Variants in DYNC1I1 observed in about 807,000 individuals in gnomAD.
The protein encoded by DYNC1I1 is dynein cytoplasmic 1 intermediate chain 1.
In DYNC1I1, 43 loss-of-function variants were observed where a neutral mutation model predicts 86.6. The observed-to-expected ratio is 0.50, with a 90% CI of 0.39 to 0.64. DYNC1I1 has a LOEUF of 0.64. Ranked by LOEUF, DYNC1I1 falls within the 30% of genes least tolerant of loss-of-function variation. The pLI, the probability that DYNC1I1 is intolerant of heterozygous loss-of-function variation, is 0.00. For synonymous variants in DYNC1I1, 262 were observed against 283.7 expected (o/e 0.92, Z 0.77); for missense variants, 604 against 788.8 (o/e 0.77, Z 2.81).
chr7:95,887,722 G>T (rs1259953762), intron 6 of DYNC1I1, among the ~76,000 whole-genome samples: 1 of 152,146 alleles, frequency 6.6e-6, no homozygotes, highest in African/African-American at 2.4e-5. Context: ...CTCCATTTCT[G>T]ATGATGCTTG....
chr7:95,928,868 G>C (rs568268089), intron 6 of DYNC1I1, among the ~76,000 whole-genome samples: 88 of 152,228 alleles, frequency 5.8e-4, no homozygotes, highest in African/African-American at 2.0e-3. Flanking sequence ...AAATTATGAA[G>C]CATAAGTGGT....
At position 96,098,008 on chromosome 7, in the gene DYNC1I1, G is replaced by T. The variant is rs565418249; in HGVS notation, c.*415G>T. ...CCTCATATTATGGTACAGGGCCAAA[G>T]ACTTGAGACGTGGTGTTTTACATGG... On this transcript the variant is annotated 3_prime_UTR_variant, in exon 17 of 17. Coordinates refer to ENST00000447467, the MANE Select transcript of DYNC1I1 (RefSeq NM_001135556.2). 1.4e-5 allele frequency: 14 copies of T among 991,836 alleles called. No individual in the cohort carries two copies. Among genetic ancestry groups the T allele is most frequent in the Non-Finnish European group, 1.7e-5 (14 of 833,588 alleles). The allele number at this position is 991,836 out of a possible 1,614,324, so 61.4% of individuals were successfully genotyped here.
At chr7:96,106,341 C>A (rs1428533091) in intron 16 of DYNC1I1, among the ~76,000 whole-genome samples, 1 of 152,064 alleles carries the variant, frequency 6.6e-6, no homozygotes, top group African/African-American at 2.4e-5. Flanking sequence ...TGAGAGCAAC[C>A]TGACCAACAT....
Position 95,996,061 on chromosome 7 carries a change from C to G in DYNC1I1, c.957C>G (p.Val319=). The G allele has an allele frequency of 6.2e-7, 1 of 1,614,078 alleles. No homozygotes were observed. Among genetic ancestry groups the G allele is most frequent in the Non-Finnish European group, 8.5e-7 (1 of 1,179,960 alleles). Residue 319 remains valine, a synonymous_variant, in exon 10 of 17, where the codon GTC becomes GTG. Coordinates refer to ENST00000447467, the MANE Select transcript of DYNC1I1 (RefSeq NM_001135556.2). ...TTAAGAAAACCACACCAGAATACGT[C>G]TTCCACTGTCAGGTAGGAGTCAGCG... ...MKFKKTTPEY[V]FHCQSSVMSV...
intron 6 of DYNC1I1, among the ~76,000 whole-genome samples, chr7:95,913,255 A>C (rs183907335): frequency 6.6e-6 from 1 of 152,248 alleles, no homozygotes; most frequent in African/African-American, 2.4e-5. Context: ...TCATAAACTG[A>C]TCCTTGCTAA....
chr7:96,044,154 A>T (rs1007455363), intron 14 of DYNC1I1, among the ~76,000 whole-genome samples: 2 of 152,230 alleles, frequency 1.3e-5, no homozygotes, highest in Non-Finnish European at 2.9e-5. Context: ...AACATTGGTC[A>T]TGATTGCTAA....
At chr7:96,087,826 A>G (rs953125774) in intron 16 of DYNC1I1, among the ~76,000 whole-genome samples, 3 of 152,206 alleles carry the variant, frequency 2.0e-5, no homozygotes, top group African/African-American at 7.2e-5. Flanking sequence ...ATATATTTGC[A>G]TGGGCAGATT....
intron 6 of DYNC1I1, among the ~76,000 whole-genome samples, chr7:95,922,060 A>G (rs1791623791): frequency 1.3e-5 from 2 of 152,228 alleles, no homozygotes; most frequent in Non-Finnish European, 2.9e-5. Context: ...GTGCAATCAA[A>G]GAATTTTTCA....
At chr7:96,012,634 G>A (rs1584250023) in intron 10 of DYNC1I1, among the ~76,000 whole-genome samples, 1 of 152,320 alleles carries the variant, frequency 6.6e-6, no homozygotes, top group East Asian at 1.9e-4. Context: ...TTGTCTGGGA[G>A]TGTACAATAT....
chr7:95,862,601 G>A (rs1345833691), intron 5 of DYNC1I1, among the ~76,000 whole-genome samples: 1 of 152,182 alleles, frequency 6.6e-6, no homozygotes, highest in African/African-American at 2.4e-5. Context: ...CACTGCTAGT[G>A]GGAATGTAAA....
chr7:95,901,375 AAT>A (rs1483209791), intron 6 of DYNC1I1, among the ~76,000 whole-genome samples: 2 of 152,198 alleles, frequency 1.3e-5, no homozygotes, highest in Admixed American at 6.5e-5. Flanking sequence ...TGTGTAGTAG[AAT>A]GTATCATTGC....
At chr7:95,892,456 G>A (rs1790767492) in intron 6 of DYNC1I1, among the ~76,000 whole-genome samples, 1 of 151,924 alleles carries the variant, frequency 6.6e-6, no homozygotes, top group Non-Finnish European at 1.5e-5. Flanking sequence ...GACTACAGAT[G>A]CCTGCCACCA....
At chr7:95,894,110 C>T (rs1584135709) in intron 6 of DYNC1I1, among the ~76,000 whole-genome samples, 1 of 151,888 alleles carries the variant, frequency 6.6e-6, no homozygotes, top group African/African-American at 2.4e-5. Context: ...GCCCTTCCCT[C>T]ATCCACCCAT....
chr7:95,857,992 A>G (rs892771770), intron 5 of DYNC1I1, among the ~76,000 whole-genome samples: 3 of 152,204 alleles, frequency 2.0e-5, no homozygotes, highest in African/African-American at 4.8e-5. Flanking sequence ...ATACAATTCT[A>G]TGCCTGGTTT....
At chr7:96,088,206 T>C (rs1016015093) in intron 16 of DYNC1I1, among the ~76,000 whole-genome samples, 12 of 152,174 alleles carry the variant, frequency 7.9e-5, no homozygotes, top group African/African-American at 1.7e-4. Flanking sequence ...AGCAAATGTT[T>C]TTTCTGAATT....
intron 14 of DYNC1I1, among the ~76,000 whole-genome samples, chr7:96,044,409 G>A (rs372602976): frequency 3.3e-5 from 5 of 152,016 alleles, no homozygotes; most frequent in Admixed American, 2.6e-4. Flanking sequence ...ATACGTTAAA[G>A]AATGAGTGGA....
Position 95,984,859 on chromosome 7 carries a change from C to A in DYNC1I1, c.625C>A (p.His209Asn). The A allele has an allele frequency of 6.2e-7, 1 of 1,613,020 alleles. No individual in the cohort carries two copies. The highest frequency in any genetic ancestry group is 8.5e-7 in the Non-Finnish European group (1 of 1,179,572). The change falls in exon 8 of 17, where the codon CAT becomes AAT. Residue 209 changes from histidine (H) to asparagine (N), a missense_variant. Physicochemically the swap from His to Asn is moderately conservative, Grantham distance 68 (BLOSUM62 1). Coordinates refer to ENST00000447467, the MANE Select transcript of DYNC1I1 (RefSeq NM_001135556.2). ...LTEEEKQQIL[H>N]SEEFLIFFDR... is the part of the protein sequence containing the mutation. ...AGAGGAAGAAAAACAGCAGATCCTT[C>A]ATTCAGAGGAATTTCTCATCTTTTT... is the stretch of plus-strand genomic sequence containing the variant.
chr7:95,842,098 C>T (rs1373286871), intron 5 of DYNC1I1, among the ~76,000 whole-genome samples: 1 of 152,136 alleles, frequency 6.6e-6, no homozygotes, highest in East Asian at 1.9e-4. Context: ...TGGAGGTTCC[C>T]CTCAATTGTA....
At chr7:96,023,256 A>G (rs1794596436) in intron 10 of DYNC1I1, among the ~76,000 whole-genome samples, 2 of 152,176 alleles carry the variant, frequency 1.3e-5, no homozygotes, top group African/African-American at 4.8e-5. Context: ...CCTGAGGACC[A>G]TCCTCTCCCC....
Sources: allele counts gnomAD v4.1 joint callset (sites outside exome capture counted in the v4.1 genomes callset), GRCh38; gene constraint gnomAD v4.1.1; transcripts MANE v1.5; gene names NCBI Gene and HGNC (gene_info 2026-07-23, HGNC 2026-07-21).